LINGO2: variants seen among roughly 807,000 people sequenced by gnomAD.
LINGO2 encodes leucine-rich repeat and immunoglobulin-like domain-containing nogo receptor-interacting protein 2.
A neutral mutation model predicts 30.6 loss-of-function variants in LINGO2; 14 were observed. The observed-to-expected ratio is 0.46, with a 90% CI of 0.30 to 0.72. LINGO2 has a LOEUF of 0.72. LINGO2 is among the 30% of genes least tolerant of loss of function. The pLI is 0.07. For synonymous variants in LINGO2, 317 were observed against 288.5 expected (o/e 1.10, Z -1.00); for missense variants, 729 against 751.7 (o/e 0.97, Z 0.35).
At chr9:28,916,641 A>T in the LINGO2 span, among the ~76,000 whole-genome samples, 135,186 of 152,248 alleles carry the variant, frequency 0.89, 60,406 homozygotes, top group Non-Finnish European at 0.94. Context: ...CCAATGTACC[A>T]TCCATGTATT....
At chr9:29,126,986 T>C in the LINGO2 span, among the ~76,000 whole-genome samples, 1 of 152,112 alleles carries the variant, frequency 6.6e-6, no homozygotes, top group Non-Finnish European at 1.5e-5. Flanking sequence ...CCAGTCAGAC[T>C]GGTCATGGGC....
intron 3 of LINGO2, among the ~76,000 whole-genome samples, chr9:28,340,362 A>G (rs906676367): frequency 6.6e-6 from 1 of 152,184 alleles, no homozygotes; most frequent in African/African-American, 2.4e-5. Context: ...AAAATAGCAC[A>G]GTGAAACATA....
the LINGO2 span, among the ~76,000 whole-genome samples, chr9:29,201,857 T>G: frequency 1.3e-5 from 2 of 151,986 alleles, no homozygotes; most frequent in South Asian, 2.1e-4. Flanking sequence ...ACCCCTATTT[T>G]ACATATTAGG....
intron 3 of LINGO2, among the ~76,000 whole-genome samples, chr9:28,297,956 A>G (rs1406773324): frequency 6.6e-6 from 1 of 152,126 alleles, no homozygotes; most frequent in Non-Finnish European, 1.5e-5. Flanking sequence ...GCTTTACACA[A>G]TTTTTGTATG....
At chr9:28,192,389 G>A (rs1043581109) in intron 4 of LINGO2, among the ~76,000 whole-genome samples, 1 of 152,090 alleles carries the variant, frequency 6.6e-6, no homozygotes, top group South Asian at 2.1e-4. Flanking sequence ...TATTTAAGAA[G>A]TATTTAGCAT....
intron 1 of LINGO2, among the ~76,000 whole-genome samples, chr9:28,609,495 A>G (rs894474655): frequency 1.8e-4 from 27 of 152,058 alleles, no homozygotes; most frequent in African/African-American, 6.5e-4. Context: ...CAAATAACCA[A>G]TAAACATTAG....
the LINGO2 span, among the ~76,000 whole-genome samples, chr9:29,056,482 C>A: frequency 6.6e-6 from 1 of 152,114 alleles, no homozygotes; most frequent in Non-Finnish European, 1.5e-5. Flanking sequence ...CTTGTAGATT[C>A]TAGATATTAG....
chr9:28,038,723 A>G (rs189405194), intron 4 of LINGO2, among the ~76,000 whole-genome samples: 1 of 152,072 alleles, frequency 6.6e-6, no homozygotes, highest in Admixed American at 6.5e-5. Flanking sequence ...TGCTTATAAA[A>G]TTATAACATA....
chr9:28,813,563 T>G, the LINGO2 span, among the ~76,000 whole-genome samples: 7 of 152,184 alleles, frequency 4.6e-5, no homozygotes, highest in African/African-American at 1.7e-4. Context: ...TTAATGCATA[T>G]TTAATGAACA....
rs556303161 is a variant in LINGO2, at chr9:28,164,992, C to G, written c.-87+130216G>C. Among the ~76,000 whole-genome samples the G allele has an allele frequency of 5.3e-5, 8 of 152,304 alleles. No homozygotes were observed. The South Asian group carries it at 1.4e-3, about 28-fold the overall frequency. ...CTACAAGGCCTTTGGGCAAGTTTTT[C>G]TTTGAGTCACTTGAACTCTGATGCA... On this transcript the variant is annotated intron_variant, in intron 4 of 5. Coordinates refer to ENST00000379992, the Ensembl canonical transcript of LINGO2.
intron 4 of LINGO2, among the ~76,000 whole-genome samples, chr9:28,155,762 G>A (rs1386425153): frequency 1.3e-5 from 2 of 152,178 alleles, no homozygotes; most frequent in Non-Finnish European, 2.9e-5. Context: ...CCTTTGGGAA[G>A]TGATTATCTC....
At chr9:29,003,653 TG>T in the LINGO2 span, among the ~76,000 whole-genome samples, 6 of 152,002 alleles carry the variant, frequency 3.9e-5, no homozygotes, top group African/African-American at 1.2e-4. Context: ...AGCTTATATC[TG>T]GAATACTATA....
chr9:28,342,704 T>A (rs1819394261), intron 3 of LINGO2, among the ~76,000 whole-genome samples: 1 of 152,020 alleles, frequency 6.6e-6, no homozygotes, highest in Admixed American at 6.6e-5. Flanking sequence ...AACTAACTTC[T>A]CCTAGAGGAG....
intron 4 of LINGO2, among the ~76,000 whole-genome samples, chr9:28,143,061 G>T (rs12684801): frequency 0.077 from 11,694 of 152,172 alleles, 506 homozygotes; most frequent in East Asian, 0.15. Flanking sequence ...CTAAGGGTGG[G>T]ACTCTAAGCT....
At chr9:28,905,573 A>G in the LINGO2 span, among the ~76,000 whole-genome samples, 7 of 152,104 alleles carry the variant, frequency 4.6e-5, no homozygotes, top group African/African-American at 1.7e-4. Flanking sequence ...GGAAATGTTA[A>G]TTAAAATAGC....
At chr9:28,297,688 G>A (rs964945854) in intron 3 of LINGO2, among the ~76,000 whole-genome samples, 1 of 152,176 alleles carries the variant, frequency 6.6e-6, no homozygotes, top group Non-Finnish European at 1.5e-5. Flanking sequence ...TGCTTGTGAG[G>A]TTGTTATTGG....
intron 1 of LINGO2, among the ~76,000 whole-genome samples, chr9:28,575,426 AC>A (rs539825952): frequency 6.6e-6 from 1 of 151,788 alleles, no homozygotes; most frequent in Admixed American, 6.6e-5. Context: ...AAAACAAAAA[AC>A]AACACAAAAA....
At chr9:27,944,978 T>C (rs1823307682), downstream of LINGO2, among the ~76,000 whole-genome samples, 1 of 152,188 alleles carries the variant, frequency 6.6e-6, no homozygotes, top group African/African-American at 2.4e-5. Flanking sequence ...TTAACATGGG[T>C]CAAGTGTCTG....
At chr9:28,201,752 T>C (rs1169420308) in intron 4 of LINGO2, among the ~76,000 whole-genome samples, 1 of 152,074 alleles carries the variant, frequency 6.6e-6, no homozygotes, top group African/African-American at 2.4e-5. Context: ...TATTTAGTTC[T>C]TCCTTTCCCC....
Sources: allele counts gnomAD v4.1 joint callset (sites outside exome capture counted in the v4.1 genomes callset), GRCh38; gene constraint gnomAD v4.1.1; transcripts MANE v1.5; gene names NCBI Gene and HGNC (gene_info 2026-07-23, HGNC 2026-07-21).